FGGY: variants seen among roughly 807,000 people sequenced by gnomAD.
FGGY encodes FGGY carbohydrate kinase domain containing.
Under a neutral mutation model 71.3 loss-of-function variants are expected in FGGY, and 72 were observed. The ratio of observed to expected loss-of-function variants is 1.01; its 90% CI spans 0.84 to 1.23. FGGY has a LOEUF of 1.23. Among genes scored for constraint, FGGY ranks in the 50% most tolerant of loss-of-function variants. FGGY has a pLI of 0.00. For synonymous variants in FGGY, 251 were observed against 250.3 expected, an observed-to-expected ratio of 1.00 and a Z score of -0.02; for missense variants, 668 against 682.3, an observed-to-expected ratio of 0.98 and a Z score of 0.23.
intron 8 of FGGY, among the ~76,000 whole-genome samples, chr1:59,558,801 A>G (rs868797329): frequency 1.1e-4 from 15 of 142,628 alleles, no homozygotes; most frequent in Non-Finnish European, 7.5e-5. Context: ...CAACCTCATA[A>G]GACAGACACT....
At chr1:59,699,212 T>C in intron 14 of FGGY, 1 of 985,354 alleles carries the variant, frequency 1.0e-6, no homozygotes, top group Non-Finnish European at 1.2e-6. Flanking sequence ...AGAACAGTTC[T>C]GAGATTTTTT....
intron 4 of FGGY, among the ~76,000 whole-genome samples, chr1:59,354,268 G>A (rs1172106461): frequency 6.6e-6 from 1 of 152,056 alleles, no homozygotes; most frequent in East Asian, 1.9e-4. Context: ...TTGTAGAGAT[G>A]AGGTTTTACC....
At chr1:59,452,960 A>G (rs1179599556) in intron 5 of FGGY, among the ~76,000 whole-genome samples, 1 of 152,210 alleles carries the variant, frequency 6.6e-6, no homozygotes, top group East Asian at 1.9e-4. Context: ...TTGCTAAAAC[A>G]CTTCAGGAAA....
At chr1:59,721,333 C>G (rs1453730542) in intron 14 of FGGY, among the ~76,000 whole-genome samples, 2 of 68,588 alleles carry the variant, frequency 2.9e-5, no homozygotes, top group African/African-American at 1.1e-4. Flanking sequence ...CTTTTCTTTC[C>G]TTTGTTTTTT....
chr1:59,638,167 T>G, intron 10 of FGGY, 61 bp from the exon 11 acceptor site: 1 of 1,526,814 alleles, frequency 6.5e-7, no homozygotes, highest in Non-Finnish European at 8.9e-7. Flanking sequence ...TTTCTTTCTA[T>G]AGAATGATTT....
At chr1:59,601,814 A>C (rs2096581088) in intron 8 of FGGY, among the ~76,000 whole-genome samples, 1 of 152,260 alleles carries the variant, frequency 6.6e-6, no homozygotes, top group Non-Finnish European at 1.5e-5. Context: ...TATTTACTGA[A>C]TACTTAATCA....
intron 8 of FGGY, among the ~76,000 whole-genome samples, chr1:59,565,479 T>A (rs1345079950): frequency 6.6e-6 from 1 of 151,910 alleles, no homozygotes; most frequent in Non-Finnish European, 1.5e-5. Context: ...AGAGACGGGG[T>A]TTCACCGCGT....
At chr1:59,711,282 G>A (rs2097792001) in intron 14 of FGGY, among the ~76,000 whole-genome samples, 1 of 151,956 alleles carries the variant, frequency 6.6e-6, no homozygotes, top group Non-Finnish European at 1.5e-5. Context: ...CACAGACTGG[G>A]GCCTGTCAAG....
At chr1:59,498,164 C>T (rs1055024073) in intron 6 of FGGY, among the ~76,000 whole-genome samples, 2 of 152,152 alleles carry the variant, frequency 1.3e-5, no homozygotes, top group Non-Finnish European at 2.9e-5. Context: ...ATGTACCAGA[C>T]ACTGTACCAA....
At chr1:59,711,054 A>G (rs754364494) in intron 14 of FGGY, among the ~76,000 whole-genome samples, 11 of 152,200 alleles carry the variant, frequency 7.2e-5, no homozygotes, top group Non-Finnish European at 1.6e-4. Context: ...ATGCCCATCA[A>G]TGTTAGACTG....
chr1:59,366,277 C>A (rs541055801), intron 4 of FGGY, among the ~76,000 whole-genome samples: 1 of 152,250 alleles, frequency 6.6e-6, no homozygotes, highest in South Asian at 2.1e-4. Flanking sequence ...CAAATAAATT[C>A]TATGATGTTA....
At chr1:59,591,413 T>G (rs1456281946) in intron 8 of FGGY, among the ~76,000 whole-genome samples, 1 of 152,176 alleles carries the variant, frequency 6.6e-6, no homozygotes, top group Admixed American at 6.5e-5. Context: ...TACCAATGAC[T>G]TTCTTCACAG....
chr1:59,532,880 G>C (rs1337275947), intron 7 of FGGY, among the ~76,000 whole-genome samples: 1 of 152,116 alleles, frequency 6.6e-6, no homozygotes. Context: ...AGAATCTATA[G>C]ATAAAATATT....
intron 7 of FGGY, among the ~76,000 whole-genome samples, chr1:59,552,183 G>T (rs75254351): frequency 6.6e-6 from 1 of 152,164 alleles, no homozygotes. Context: ...AACAGAGCCC[G>T]AGTGGTGGAG....
intron 6 of FGGY, among the ~76,000 whole-genome samples, chr1:59,485,542 C>G (rs1316549915): frequency 6.6e-6 from 1 of 152,138 alleles, no homozygotes; most frequent in East Asian, 1.9e-4. Flanking sequence ...TTCACTACCT[C>G]TGGACTTTGT....
intron 7 of FGGY, among the ~76,000 whole-genome samples, chr1:59,524,244 C>CT (rs1183573358): frequency 1.3e-5 from 2 of 152,226 alleles, no homozygotes; most frequent in Non-Finnish European, 2.9e-5. Context: ...CCTTGGCCCT[C>CT]TCTGGACCTT....
At position 59,591,369 on chromosome 1, in the gene FGGY, G is replaced by A. The variant is rs571996945; in HGVS notation, c.904-16434G>A. Among the ~76,000 whole-genome samples the A allele has an allele frequency of 3.5e-3, 528 of 152,218 alleles. 2 individuals carry two copies. The highest frequency in any genetic ancestry group is 0.012 in the African/African-American group (503 of 41,512). On this transcript the variant is annotated intron_variant, in intron 8 of 15. Coordinates refer to ENST00000303721, the MANE Select transcript of FGGY (RefSeq NM_018291.5). ...CGTGAAAATGGCCATACTGCCCAAG[G>A]TAATTTATAGATTCAGTGCCATCCC...
intron 8 of FGGY, among the ~76,000 whole-genome samples, chr1:59,554,970 G>A (rs979495980): frequency 6.6e-6 from 1 of 152,198 alleles, no homozygotes; most frequent in Non-Finnish European, 1.5e-5. Flanking sequence ...GATGAGCAGA[G>A]ATTAGAGCGG....
intron 10 of FGGY, among the ~76,000 whole-genome samples, chr1:59,633,051 C>T (rs1196393342): frequency 6.7e-6 from 1 of 148,990 alleles, no homozygotes; most frequent in African/African-American, 2.5e-5. Flanking sequence ...CGCACTTTCA[C>T]CCAGGCTGGA....
Sources: gnomAD v4.1 joint callset for allele counts (sites outside exome capture counted in the v4.1 genomes callset) on GRCh38, gnomAD v4.1.1 for gene constraint, MANE v1.5 for transcripts, NCBI Gene and HGNC (gene_info 2026-07-23, HGNC 2026-07-21) for gene names.